The following CPD variants were observed in gnomAD, a reference collection of about 807,000 sequenced individuals.
CPD encodes carboxypeptidase D.
CPD carries 69 observed loss-of-function variants against 138.3 expected under a neutral mutation model. The ratio of observed to expected loss-of-function variants is 0.50; its 90% CI spans 0.41 to 0.61. The LOEUF (loss-of-function observed/expected upper bound fraction) is 0.61. CPD is among the 20% of genes least tolerant of loss of function. The pLI is 0.00. For missense variants in CPD, 1,432 were observed against 1,733.3 expected, an observed-to-expected ratio of 0.83 and a Z score of 3.09; for synonymous variants, 651 against 642.1, an observed-to-expected ratio of 1.01 and a Z score of -0.21.
In CPD at chr17:30,384,616, T is replaced by C. The variant is rs528468134; in HGVS notation, c.747-373T>C. ...CTACCAAAAAGAAAAGGGTGAATAT[T>C]GGCAAGCTCAAAGCTCATATAGTTC... On this transcript the variant is annotated intron_variant, in intron 1 of 20. Transcript: ENST00000225719. Among the ~76,000 whole-genome samples, 8 of 152,310 alleles carry C rather than the reference T, an allele frequency of 5.3e-5. No individual in the cohort carries two copies. In the East Asian group the frequency reaches 7.7e-4, roughly 15 times the overall value.
chr17:30,413,539 A>G (rs890342385), intron 2 of CPD, among the ~76,000 whole-genome samples: 7 of 152,226 alleles, frequency 4.6e-5, no homozygotes, highest in Non-Finnish European at 7.3e-5. Flanking sequence ...TGCTTTAAGA[A>G]CAAACATCTT....
intron 2 of CPD, among the ~76,000 whole-genome samples, chr17:30,409,659 T>C (rs1911905003): frequency 6.6e-6 from 1 of 152,174 alleles, no homozygotes; most frequent in African/African-American, 2.4e-5. Flanking sequence ...TTTATAGTAT[T>C]CTCTGATGGT....
chr17:30,429,463 G>T (rs950393467), intron 7 of CPD, among the ~76,000 whole-genome samples: 1 of 152,160 alleles, frequency 6.6e-6, no homozygotes, highest in Non-Finnish European at 1.5e-5. Context: ...TTATTTAAAT[G>T]GAGTTTGAAA....
chr17:30,437,097 G>A (rs1015786498), intron 8 of CPD, among the ~76,000 whole-genome samples: 1 of 151,688 alleles, frequency 6.6e-6, no homozygotes, highest in Non-Finnish European at 1.5e-5. Flanking sequence ...AAGTAGATTG[G>A]TGGTTGCCTA....
rs763490035 is a variant in CPD, at chr17:30,461,972, A to G, written c.3726A>G (p.Thr1242=). The G allele has an allele frequency of 5.6e-6, 9 of 1,614,036 alleles. No homozygotes were observed. Among genetic ancestry groups the G allele is most frequent in the Non-Finnish European group, 7.6e-6 (9 of 1,179,920 alleles). Residue 1242 remains threonine, a synonymous_variant, in exon 19 of 21, where the codon ACA becomes ACG. Transcript: ENST00000225719. ...IVLNEGIKVQ[T]KEGGYFHVLL... is the part of the protein sequence containing the mutation. ...TTAATGAAGGAATAAAGGTACAAAC[A>G]AAAGAGGGAGGTTATTTCCATGTAC... is the stretch of plus-strand genomic sequence containing the variant.
intron 7 of CPD, among the ~76,000 whole-genome samples, chr17:30,430,656 T>G (rs919490349): frequency 2.0e-5 from 3 of 152,072 alleles, no homozygotes; most frequent in Non-Finnish European, 4.4e-5. Context: ...CTTTTCCCCG[T>G]GCCCCCCTTG....
chr17:30,409,558 C>T (rs979738071), intron 2 of CPD, among the ~76,000 whole-genome samples: 6 of 152,204 alleles, frequency 3.9e-5, no homozygotes, highest in Non-Finnish European at 8.8e-5. Context: ...TTAAGAGATT[C>T]AACTTCCTCC....
chr17:30,436,972 G>A (rs1912720739), intron 8 of CPD, among the ~76,000 whole-genome samples: 1 of 152,178 alleles, frequency 6.6e-6, no homozygotes. Flanking sequence ...ATGATACACA[G>A]TACAACTTGA....
chr17:30,379,013 GC>G lies in CPD; in HGVS notation c.34del (p.Arg12GlyfsTer2). On this transcript the variant is annotated frameshift_variant, in exon 1 of 21. Transcript: ENST00000225719. LOFTEE classifies it high-confidence loss of function. The surrounding 1 kb of genome is among the most constrained non-coding windows in gnomAD (Gnocchi z 7.0). ...ASGRDERPPWRLGRLLLLMCL... is the reference protein window; with the variant it reads ...ASGRDERPPWXLGRLLLLMCL... Reference sequence around the variant, plus strand: ...GCGGCCGGGACGAGCGGCCGCCTTGGCGGCTAGGGCGGCTCCTGTTGCTCAT... The same window carrying G: ...GCGGCCGGGACGAGCGGCCGCCTTGGGGCTAGGGCGGCTCCTGTTGCTCAT... 1 of 1,550,296 alleles carries G rather than the reference GC, an allele frequency of 6.5e-7. No homozygotes were observed. Among genetic ancestry groups the G allele is most frequent in the Non-Finnish European group, 8.6e-7 (1 of 1,157,662 alleles).
chr17:30,453,016 C>G (rs1913205146), intron 14 of CPD, among the ~76,000 whole-genome samples: 2 of 152,114 alleles, frequency 1.3e-5, no homozygotes, highest in Admixed American at 6.5e-5. Context: ...CCCACCGGCT[C>G]CCTCCCACAA....
chr17:30,428,408 T>G (rs1912478024), intron 7 of CPD, among the ~76,000 whole-genome samples: 1 of 152,224 alleles, frequency 6.6e-6, no homozygotes, highest in African/African-American at 2.4e-5. Context: ...TTCAGGATTA[T>G]TCACAATAAC....
chr17:30,401,213 T>A (rs1372690780), intron 2 of CPD, among the ~76,000 whole-genome samples: 1 of 147,804 alleles, frequency 6.8e-6, no homozygotes, highest in Non-Finnish European at 1.5e-5. Flanking sequence ...CTGCTGCTGC[T>A]TCTGCTTCTG....
At chr17:30,442,216 T>G in intron 9 of CPD, 92 bp from the exon 10 acceptor site, 1 of 1,178,856 alleles carries the variant, frequency 8.5e-7, no homozygotes, top group Non-Finnish European at 1.2e-6. Flanking sequence ...AAGAGATAAA[T>G]TTGGCTTTTT....
intron 13 of CPD, among the ~76,000 whole-genome samples, chr17:30,451,051 G>A (rs1913153877): frequency 6.6e-6 from 1 of 152,166 alleles, no homozygotes; most frequent in Admixed American, 6.5e-5. Context: ...TAATATACCA[G>A]GTATTTTATA....
Position 30,462,030 on chromosome 17 carries a change from A to T in CPD, c.3784A>T (p.Ile1262Phe). ...LAPGVHNIIA[I>F]ADGYQQQHSQ... ...GCCAGGTGTCCATAACATTATTGCC[A>T]TCGCTGATGGGTACCAGCAACAACA... The change falls in exon 19 of 21, where the codon ATC becomes TTC. Residue 1262 changes from isoleucine (I) to phenylalanine (F), a missense_variant. Transcript: ENST00000225719. 1 of 1,613,262 alleles carries T rather than the reference A, an allele frequency of 6.2e-7. No homozygotes were observed. The highest frequency in any genetic ancestry group is 8.5e-7 in the Non-Finnish European group (1 of 1,179,692).
chr17:30,409,598 C>T (rs9972884), intron 2 of CPD, among the ~76,000 whole-genome samples: 40,555 of 152,028 alleles, frequency 0.27, 6,161 homozygotes, highest in Non-Finnish European at 0.34. Flanking sequence ...TGTATGTGTC[C>T]GGAAATTTAT....
chr17:30,421,806 C>T lies in CPD; in HGVS notation c.1280C>T (p.Thr427Ile). 6.2e-7 allele frequency: 1 copy of T among 1,613,382 alleles called. No homozygotes were observed. The highest frequency in any genetic ancestry group is 8.5e-7 in the Non-Finnish European group (1 of 1,179,396). The stretch of plus-strand genomic sequence containing the variant: ...TTCTACCGATTACTTGTTCCTGGAA[C>T]TTACAACCTTACAGTAGTTTTAACT... Reference protein sequence around the residue: ...GDFYRLLVPGTYNLTVVLTGY... With the variant: ...GDFYRLLVPGIYNLTVVLTGY... The change falls in exon 4 of 21, where the codon ACT (threonine) becomes ATT (isoleucine). Residue 427 changes from threonine to isoleucine, a missense_variant. Transcript: ENST00000225719.
At chr17:30,426,592 A>C (rs1484071255) in intron 6 of CPD, among the ~76,000 whole-genome samples, 1 of 152,228 alleles carries the variant, frequency 6.6e-6, no homozygotes, top group Non-Finnish European at 1.5e-5. Context: ...CAGAAGGCCA[A>C]TCTTAGGTTC....
rs1334424538 is a variant in CPD at position 30,401,666 on chromosome 17, T to C, written c.994+16430T>C. On this transcript the variant is annotated intron_variant, in intron 2 of 20. Transcript: ENST00000225719. The stretch of plus-strand genomic sequence containing the variant: ...ACCTGGCTTATTTTTTTGTATTTTT[T>C]GTAGAGACAGGTTTTCAACATGTTG... 2.0e-5 allele frequency among the ~76,000 whole-genome samples: 3 copies of C among 151,964 alleles called. No homozygotes were observed. In the East Asian group the frequency reaches 5.8e-4, roughly 29 times the overall value.
Sources: gnomAD v4.1 joint callset for allele counts (sites outside exome capture counted in the v4.1 genomes callset) on GRCh38, gnomAD v4.1.1 for gene constraint, Gnocchi (gnomAD v3.1) non-coding constraint, MANE v1.5 for transcripts, NCBI Gene and HGNC (gene_info 2026-07-23, HGNC 2026-07-21) for gene names.